The following IL17D variants were observed in gnomAD, a reference collection of about 807,000 sequenced individuals.
IL17D encodes the protein interleukin-17D.
IL17D carries 10 observed loss-of-function variants against 5.7 expected under a neutral mutation model. That is an observed-to-expected ratio of 1.75 (90% confidence interval 1.08 to 2.97). The LOEUF is 2.97. Ranked by LOEUF, IL17D falls within the 30% of genes most tolerant of loss-of-function variation. IL17D has a pLI of 0.00. For synonymous variants in IL17D, 172 were observed against 141.7 expected (o/e 1.21, Z -1.52); for missense variants, 354 against 292.7 (o/e 1.21, Z -1.53).
upstream of IL17D, chr13:20,703,562 G>A (rs962538548): frequency 3.3e-5 from 12 of 364,250 alleles, no homozygotes; most frequent in African/African-American, 2.2e-5. Context: ...GCGAGGCGGC[G>A]GGTCCGGGCG....
At position 20,716,018 on chromosome 13, in the gene IL17D, A is replaced by T; in HGVS notation, c.291-5618A>T. The T allele has an allele frequency of 2.3e-6, 2 of 863,690 alleles. No individual in the cohort carries two copies. Among genetic ancestry groups the T allele is most frequent in the Non-Finnish European group, 2.8e-6 (2 of 718,884 alleles). 53.5% of individuals were successfully genotyped at this position (863,690 alleles called of 1,614,324 possible). ...CCAAAGTGCTGCGATTACAGGCATG[A>T]GCCACCGCGCCCGGCCAGAATCGAC... is the stretch of plus-strand genomic sequence containing the variant. On this transcript the variant is annotated intron_variant, in intron 1 of 1. Coordinates refer to ENST00000682841, the MANE Select transcript of IL17D (RefSeq NM_001385224.1). The surrounding 1 kb of genome is among the most constrained non-coding windows in gnomAD (Gnocchi z 4.2).
upstream of IL17D, chr13:20,702,232 G>T (rs1164384138): frequency 6.6e-6 from 1 of 152,260 alleles, no homozygotes; most frequent in South Asian, 2.1e-4. Flanking sequence ...TATTTGCCAA[G>T]AGCTGTAAAT....
intron 1 of IL17D, among the ~76,000 whole-genome samples, chr13:20,717,584 C>A (rs1158795938): frequency 1.3e-5 from 2 of 152,194 alleles, no homozygotes; most frequent in Non-Finnish European, 2.9e-5. Context: ...AAGGCACAGG[C>A]CTTGTCTTTC....
Position 20,722,324 on chromosome 13 carries a change from G to A in IL17D, c.*370G>A, listed in dbSNP as rs373592680. On this transcript the variant is annotated 3_prime_UTR_variant, in exon 2 of 2. Coordinates refer to ENST00000682841, the MANE Select transcript of IL17D (RefSeq NM_001385224.1). ...GCTGGGTGCTTGCCAAAGAGATAGG[G>A]ACGCATATGCTTTTTAAAGCAATCT... is the stretch of plus-strand genomic sequence containing the variant. 13 of 250,656 alleles carry A rather than the reference G, an allele frequency of 5.2e-5. No homozygotes were observed. Among genetic ancestry groups the A allele is most frequent in the African/African-American group, 6.7e-5 (3 of 44,590 alleles). The allele number at this position is 250,656 out of a possible 1,614,324, so 15.5% of individuals were successfully genotyped here. A position where few individuals can be genotyped will look rare whatever the true frequency, so the allele number is the denominator to read the frequency against.
At chr13:20,706,163 TCTCA>T (rs1489215358) in intron 1 of IL17D, among the ~76,000 whole-genome samples, 1 of 152,172 alleles carries the variant, frequency 6.6e-6, no homozygotes, top group Admixed American at 6.5e-5. Context: ...CTCCCGCCCT[TCTCA>T]CTCCTGTCCT....
At chr13:20,720,873 AACC>A (rs1211767916) in intron 1 of IL17D, among the ~76,000 whole-genome samples, 13 of 36,136 alleles carry the variant, frequency 3.6e-4, no homozygotes, top group African/African-American at 1.4e-3. Flanking sequence ...CCTCCCTCCC[AACC>A]CCCCCCCCCC....
At chr13:20,709,187 GT>G (rs2058615172) in intron 1 of IL17D, among the ~76,000 whole-genome samples, 1 of 148,760 alleles carries the variant, frequency 6.7e-6, no homozygotes, top group Non-Finnish European at 1.5e-5. Flanking sequence ...CGTTGGCAAG[GT>G]TGTGAAGGAA....
intron 1 of IL17D, among the ~76,000 whole-genome samples, chr13:20,707,402 C>T (rs1009211121): frequency 4.9e-5 from 7 of 143,628 alleles, no homozygotes; most frequent in Non-Finnish European, 8.9e-5. Context: ...GATTGTGCCT[C>T]TGCACTCCGG....
Position 20,709,940 on chromosome 13 carries a change from G to A in IL17D, c.290+5649G>A, listed in dbSNP as rs117123474. The stretch of plus-strand genomic sequence containing the variant: ...GCAGACATCTGGATGGATTTTCAGA[G>A]TTCCTGCGACTCCATGGCTGGTTTG... On this transcript the variant is annotated intron_variant, in intron 1 of 1. Coordinates refer to ENST00000682841, the MANE Select transcript of IL17D (RefSeq NM_001385224.1). Among the ~76,000 whole-genome samples, 1,180 of 152,224 alleles carry A rather than the reference G, an allele frequency of 7.8e-3. 16 individuals carry two copies. The highest frequency in any genetic ancestry group is 0.011 in the Non-Finnish European group (739 of 68,022).
intron 1 of IL17D, among the ~76,000 whole-genome samples, chr13:20,705,062 G>A (rs940034877): frequency 6.6e-6 from 1 of 152,138 alleles, no homozygotes; most frequent in Admixed American, 6.5e-5. Context: ...GAAGTTGGGG[G>A]CGTGTAGGCA....
intron 1 of IL17D, among the ~76,000 whole-genome samples, chr13:20,720,863 C>G (rs1401706496): frequency 7.7e-6 from 1 of 129,628 alleles, no homozygotes; most frequent in Non-Finnish European, 1.7e-5. Flanking sequence ...CACCAGACCA[C>G]CTCCCTCCCA....
intron 1 of IL17D, among the ~76,000 whole-genome samples, chr13:20,710,342 A>AG (rs1325256926): frequency 2.0e-5 from 3 of 151,660 alleles, no homozygotes; most frequent in Non-Finnish European, 2.9e-5. Context: ...GGCTGGGCGC[A>AG]GTGGCTCACA....
chr13:20,708,843 C>CAAAAAAAAAAAAAA (rs10644027), intron 1 of IL17D, among the ~76,000 whole-genome samples: 4 of 111,732 alleles, frequency 3.6e-5, no homozygotes, highest in Non-Finnish European at 7.0e-5. Context: ...ACTAAAAATA[C>CAAAAAAAAAAAAAA]AAAAAAAAAA....
upstream of IL17D, chr13:20,703,537 G>A (rs2058560828): frequency 9.1e-6 from 5 of 552,252 alleles, no homozygotes; most frequent in South Asian, 3.1e-4. Context: ...GAGGCGCAGG[G>A]GCAAGGGTGG....
chr13:20,704,335 G>A, intron 1 of IL17D, 44 bp downstream of exon 1: 4 of 1,095,944 alleles, frequency 3.6e-6, no homozygotes, highest in Non-Finnish European at 3.4e-6. Context: ...AGGTGGGGAG[G>A]GCAGGGCTGG....
chr13:20,722,133 C>T lies in IL17D; in HGVS notation c.*179C>T. The T allele has an allele frequency of 1.8e-6, 1 of 566,852 alleles. No individual in the cohort carries two copies. Among genetic ancestry groups the T allele is most frequent in the Non-Finnish European group, 3.0e-6 (1 of 330,454 alleles). The allele number at this position is 566,852 out of a possible 1,614,324, so 35.1% of individuals were successfully genotyped here. On this transcript the variant is annotated 3_prime_UTR_variant, in exon 2 of 2. Transcript: ENST00000682841. Reference sequence around the variant, plus strand: ...GCAGCTTCATCTGACACGGGCATCCCTGGCTTGCTTTTAGCTACAAGCAAG... The same window carrying T: ...GCAGCTTCATCTGACACGGGCATCCTTGGCTTGCTTTTAGCTACAAGCAAG...
At chr13:20,706,253 T>A (rs2058591486) in intron 1 of IL17D, among the ~76,000 whole-genome samples, 1 of 152,212 alleles carries the variant, frequency 6.6e-6, no homozygotes. Flanking sequence ...TCCTCTCTCT[T>A]CCTCCATTTC....
At chr13:20,717,200 C>T (rs2058684340) in intron 1 of IL17D, 1 of 152,248 alleles carries the variant, frequency 6.6e-6, no homozygotes, top group African/African-American at 2.4e-5. Context: ...CCCACGTGGC[C>T]AGGGACACTT....
intron 1 of IL17D, chr13:20,717,040 C>T (rs574086999): frequency 6.6e-6 from 1 of 152,372 alleles, no homozygotes; most frequent in Non-Finnish European, 1.5e-5. Flanking sequence ...CTACCGCGTC[C>T]GGCCCCAGGG....
Sources: allele counts gnomAD v4.1 joint callset (sites outside exome capture counted in the v4.1 genomes callset), GRCh38; gene constraint gnomAD v4.1.1; non-coding constraint Gnocchi (gnomAD v3.1); transcripts MANE v1.5; gene names NCBI Gene and HGNC (gene_info 2026-07-23, HGNC 2026-07-21).